Variants in LRRIQ1 observed in about 807,000 individuals in gnomAD.
The protein encoded by LRRIQ1 is leucine rich repeats and IQ motif containing 1.
A neutral mutation model predicts 211.9 loss-of-function variants in LRRIQ1; 210 were observed. The observed-to-expected ratio is 0.99, with a 90% CI of 0.89 to 1.11. The LOEUF (loss-of-function observed/expected upper bound fraction) is 1.11. Ranked by LOEUF, LRRIQ1 falls within the 50% of genes most tolerant of loss-of-function variation. The probability of loss-of-function intolerance (pLI) is 0.00; values close to 1 mark genes in which losing one functional copy is unlikely to be tolerated. For synonymous variants in LRRIQ1, 699 were observed against 650.1 expected, an observed-to-expected ratio of 1.08 and a Z score of -1.14; for missense variants, 2,136 against 1,939.5, an observed-to-expected ratio of 1.10 and a Z score of -1.90.
intron 15 of LRRIQ1, among the ~76,000 whole-genome samples, chr12:85,112,044 C>T (rs748062088): frequency 5.3e-5 from 8 of 151,722 alleles, no homozygotes; most frequent in East Asian, 1.9e-4. Flanking sequence ...ACATTAGATA[C>T]GACATGTTTG....
At chr12:85,100,465 C>T (rs1219580213) in intron 13 of LRRIQ1, among the ~76,000 whole-genome samples, 1 of 151,524 alleles carries the variant, frequency 6.6e-6, no homozygotes, top group Non-Finnish European at 1.5e-5. Flanking sequence ...ATTTTGTTTG[C>T]ATAATCTTAT....
rs544980726 is a variant in LRRIQ1 at position 85,080,611 on chromosome 12, A to G, written c.2887+7513A>G. ...TCAAGCACATCTAATATAATGTTCAATCTATCCATGAAAGTGTTGTTTGCA... is the reference window on the plus strand; with the variant it reads ...TCAAGCACATCTAATATAATGTTCAGTCTATCCATGAAAGTGTTGTTTGCA... On this transcript the variant is annotated intron_variant, in intron 11 of 26. Coordinates refer to ENST00000393217, the MANE Select transcript of LRRIQ1 (RefSeq NM_001079910.2). Among the ~76,000 whole-genome samples, 6 of 150,930 alleles carry G rather than the reference A, an allele frequency of 4.0e-5. No homozygotes were observed. In the South Asian group the frequency reaches 1.3e-3, roughly 31 times the overall value.
At chr12:85,233,557 C>G (rs76884792) in intron 26 of LRRIQ1, among the ~76,000 whole-genome samples, 2,965 of 152,176 alleles carry the variant, frequency 0.019, 97 homozygotes, top group African/African-American at 0.068. Flanking sequence ...ATTAAAAGAT[C>G]ATGTGATTCT....
At chr12:85,143,371 T>C (rs1201767801) in intron 19 of LRRIQ1, among the ~76,000 whole-genome samples, 1 of 151,678 alleles carries the variant, frequency 6.6e-6, no homozygotes, top group Non-Finnish European at 1.5e-5. Flanking sequence ...TTATCAGATA[T>C]ATGATTTGTA....
Position 85,098,411 on chromosome 12 carries a change from A to G in LRRIQ1, c.2944A>G (p.Ile982Val). ...QQLILDHNQLINTKGLCDTPT... is the reference protein window; with the variant it reads ...QQLILDHNQLVNTKGLCDTPT... ...ACTAATTTTGGACCACAATCAGTTA[A>G]TTAATACAAAAGGTCTTTGTGATAC... The change falls in exon 12 of 27, where the codon ATT (isoleucine) becomes GTT (valine). Residue 982 changes from isoleucine to valine, a missense_variant. By Grantham distance (29) the Ile-to-Val change is conservative. Transcript: ENST00000393217. The G allele has an allele frequency of 1.2e-6, 2 of 1,610,796 alleles. No homozygotes were observed. Among genetic ancestry groups the G allele is most frequent in the East Asian group, 2.2e-5 (1 of 44,694 alleles).
chr12:85,195,466 C>T (rs965245663), intron 24 of LRRIQ1, among the ~76,000 whole-genome samples: 4 of 151,872 alleles, frequency 2.6e-5, no homozygotes, highest in Non-Finnish European at 4.4e-5. Flanking sequence ...CATCAAAAAG[C>T]TTATCCACCA....
At chr12:85,103,627 C>A (rs931080288) in intron 13 of LRRIQ1, among the ~76,000 whole-genome samples, 3 of 151,480 alleles carry the variant, frequency 2.0e-5, no homozygotes, top group Admixed American at 1.3e-4. Flanking sequence ...AATGTAAATT[C>A]TTTGTAAATT....
chr12:85,168,516 T>C (rs1196827704), intron 24 of LRRIQ1, among the ~76,000 whole-genome samples: 1 of 152,160 alleles, frequency 6.6e-6, no homozygotes, highest in African/African-American at 2.4e-5. Flanking sequence ...GCATTCCTCC[T>C]TTTGGAACTA....
At chr12:85,155,397 G>C (rs1890489305) in intron 23 of LRRIQ1, among the ~76,000 whole-genome samples, 1 of 151,512 alleles carries the variant, frequency 6.6e-6, no homozygotes, top group Admixed American at 6.6e-5. Context: ...CAGTGAAATA[G>C]TAACTCCAGA....
At chr12:85,160,490 A>T in intron 23 of LRRIQ1, 123 bp from the exon 24 acceptor site, 1 of 525,748 alleles carries the variant, frequency 1.9e-6, no homozygotes, top group South Asian at 3.2e-5. Flanking sequence ...CATCATCATC[A>T]ATTTCATAGA....
intron 24 of LRRIQ1, among the ~76,000 whole-genome samples, chr12:85,180,616 T>C (rs1291029425): frequency 1.3e-5 from 2 of 151,956 alleles, no homozygotes; most frequent in African/African-American, 4.8e-5. Flanking sequence ...CATTTCCTCA[T>C]TTTTGAATTT....
chr12:85,208,306 C>G (rs920005515), intron 24 of LRRIQ1, among the ~76,000 whole-genome samples: 13 of 152,040 alleles, frequency 8.6e-5, no homozygotes, highest in Non-Finnish European at 1.8e-4. Flanking sequence ...AATTATCTAT[C>G]TAGAGTAAGG....
At chr12:85,096,720 T>C (rs1885909522) in intron 11 of LRRIQ1, among the ~76,000 whole-genome samples, 1 of 152,126 alleles carries the variant, frequency 6.6e-6, no homozygotes, top group Non-Finnish European at 1.5e-5. Context: ...TTTGTTGGTT[T>C]TCTGCTTAAG....
intron 18 of LRRIQ1, among the ~76,000 whole-genome samples, chr12:85,131,831 A>G (rs1294453429): frequency 1.3e-5 from 2 of 152,152 alleles, no homozygotes; most frequent in African/African-American, 4.8e-5. Flanking sequence ...ATATATGAGA[A>G]AGAGAGATGA....
intron 11 of LRRIQ1, among the ~76,000 whole-genome samples, chr12:85,084,368 A>G (rs1884603337): frequency 6.6e-6 from 1 of 152,182 alleles, no homozygotes; most frequent in South Asian, 2.1e-4. Flanking sequence ...TGAACATTGT[A>G]ATAATTCAGC....
chr12:85,103,966 A>G, intron 13 of LRRIQ1, 38 bp from the exon 14 acceptor site: 16 of 1,312,444 alleles, frequency 1.2e-5, no homozygotes, highest in Non-Finnish European at 1.7e-5. Context: ...GGACTTTCCA[A>G]TTTAGAATTT....
chr12:85,192,808 TTATATATAAATATATATAGTTA>T (rs1565894513), intron 24 of LRRIQ1, among the ~76,000 whole-genome samples: 84 of 98,892 alleles, frequency 8.5e-4, no homozygotes, highest in Non-Finnish European at 1.1e-3. Flanking sequence ...TATACTATAA[TTATATATAAATATATATAGTTA>T]TATACTATAA....
chr12:85,143,785 C>A (rs922133017), intron 19 of LRRIQ1, among the ~76,000 whole-genome samples: 3 of 151,454 alleles, frequency 2.0e-5, no homozygotes, highest in African/African-American at 7.3e-5. Flanking sequence ...TATTTTCAAA[C>A]CTTTGTAATT....
the LRRIQ1 span, among the ~76,000 whole-genome samples, chr12:85,271,141 T>A: frequency 1.3e-5 from 2 of 152,204 alleles, no homozygotes; most frequent in East Asian, 3.8e-4. Context: ...AGTAGTACTA[T>A]AACATATTTG....
Sources: allele counts gnomAD v4.1 joint callset (sites outside exome capture counted in the v4.1 genomes callset), GRCh38; gene constraint gnomAD v4.1.1; transcripts MANE v1.5; gene names NCBI Gene and HGNC (gene_info 2026-07-23, HGNC 2026-07-21).